RBFOX1: variants seen among roughly 807,000 people sequenced by gnomAD.
The protein encoded by RBFOX1 is RNA binding fox-1 homolog 1, also known as RNA binding protein fox-1 homolog 1.
Under a neutral mutation model 57.7 loss-of-function variants are expected in RBFOX1, and 8 were observed. That is an observed-to-expected ratio of 0.14 (90% CI 0.08 to 0.25). The LOEUF (loss-of-function observed/expected upper bound fraction) is 0.25, where lower values mean the gene tolerates loss of function less well. Among genes scored for constraint, RBFOX1 ranks in the 10% least tolerant of loss-of-function variants. RBFOX1 has a pLI of 1.00. For synonymous variants in RBFOX1, 326 were observed against 222.4 expected, an observed-to-expected ratio of 1.47 and a Z score of -4.15; for missense variants, 611 against 548.5, an observed-to-expected ratio of 1.11 and a Z score of -1.14.
chr16:5,697,848 C>A (rs1178650755), intron 3 of RBFOX1, among the ~76,000 whole-genome samples: 2 of 152,110 alleles, frequency 1.3e-5, no homozygotes, highest in African/African-American at 4.8e-5. Context: ...TCTATAGTTT[C>A]AACTTTAAGC....
intron 4 of RBFOX1, among the ~76,000 whole-genome samples, chr16:7,503,766 A>G (rs1356237238): frequency 1.3e-5 from 2 of 152,170 alleles, no homozygotes; most frequent in Non-Finnish European, 1.5e-5. Flanking sequence ...ACAAAAATTC[A>G]CTTTTGCCAA....
At chr16:6,245,603 C>T (rs1465218371) in intron 1 of RBFOX1, among the ~76,000 whole-genome samples, 1 of 152,116 alleles carries the variant, frequency 6.6e-6, no homozygotes, top group African/African-American at 2.4e-5. Context: ...AATAATAATA[C>T]AAATAACCTT....
intron 2 of RBFOX1, among the ~76,000 whole-genome samples, chr16:6,505,701 G>T (rs1196174545): frequency 6.6e-6 from 1 of 152,204 alleles, no homozygotes. Context: ...AGGAAAAAGT[G>T]TAGTACTCTT....
chr16:5,992,208 C>G (rs1404269106), intron 4 of RBFOX1, among the ~76,000 whole-genome samples: 1 of 151,990 alleles, frequency 6.6e-6, no homozygotes, highest in Non-Finnish European at 1.5e-5. Context: ...AGGAAAATAA[C>G]TTCCTTCTTC....
At chr16:6,264,037 A>G (rs948051394) in intron 1 of RBFOX1, among the ~76,000 whole-genome samples, 1 of 152,126 alleles carries the variant, frequency 6.6e-6, no homozygotes, top group Non-Finnish European at 1.5e-5. Flanking sequence ...TTTGACTTTA[A>G]TTTGCTGAGG....
chr16:6,613,682 TA>T (rs1307345681), intron 2 of RBFOX1, among the ~76,000 whole-genome samples: 1 of 152,156 alleles, frequency 6.6e-6, no homozygotes, highest in African/African-American at 2.4e-5. Context: ...TCTCATTTTT[TA>T]AAAAAGGTAG....
At chr16:6,984,997 C>G (rs1263267912) in intron 3 of RBFOX1, among the ~76,000 whole-genome samples, 1 of 150,790 alleles carries the variant, frequency 6.6e-6, no homozygotes, top group East Asian at 2.0e-4. Context: ...GGGAGGGCTC[C>G]TTGAAAAACC....
intron 3 of RBFOX1, among the ~76,000 whole-genome samples, chr16:6,859,196 TGTA>T (rs2058568186): frequency 2.1e-5 from 2 of 96,102 alleles, no homozygotes; most frequent in African/African-American, 5.2e-5. Context: ...TATATATATA[TGTA>T]TATATATATA....
chr16:7,422,648 G>C (rs957489172), intron 4 of RBFOX1: 9 of 152,358 alleles, frequency 5.9e-5, no homozygotes, highest in African/African-American at 1.9e-4. Context: ...CTGCAGCCTA[G>C]ATATCTCTGC....
intron 3 of RBFOX1, among the ~76,000 whole-genome samples, chr16:7,036,826 A>G (rs1472388825): frequency 1.3e-5 from 2 of 152,204 alleles, no homozygotes; most frequent in African/African-American, 2.4e-5. Flanking sequence ...GCTAGTTCAT[A>G]GACAGAGTGG....
chr16:5,406,730 G>A (rs1054783823), intron 1 of RBFOX1, among the ~76,000 whole-genome samples: 3 of 152,094 alleles, frequency 2.0e-5, no homozygotes, highest in African/African-American at 7.2e-5. Flanking sequence ...TATTTATTTT[G>A]CATTTAGTAC....
At chr16:5,888,130 C>A (rs1451292028) in intron 4 of RBFOX1, among the ~76,000 whole-genome samples, 2 of 152,164 alleles carry the variant, frequency 1.3e-5, no homozygotes, top group African/African-American at 4.8e-5. Flanking sequence ...TGCTCATTCC[C>A]CAGCTTTGTG....
intron 3 of RBFOX1, among the ~76,000 whole-genome samples, chr16:6,767,435 A>G (rs2077492553): frequency 6.6e-6 from 1 of 152,154 alleles, no homozygotes; most frequent in Admixed American, 6.5e-5. Flanking sequence ...CCCTGCTGCA[A>G]TCTATAATTA....
At chr16:7,123,044 G>A (rs2067558128) in intron 4 of RBFOX1, among the ~76,000 whole-genome samples, 1 of 152,100 alleles carries the variant, frequency 6.6e-6, no homozygotes, top group South Asian at 2.1e-4. Flanking sequence ...AGGGATTAGG[G>A]GTTGGGGGGA....
chr16:7,186,994 C>CAAAAAAAAAAAAAAAAAAAAAAAAAAA (rs35177784), intron 4 of RBFOX1, among the ~76,000 whole-genome samples: 19 of 69,260 alleles, frequency 2.7e-4, no homozygotes, highest in African/African-American at 1.0e-3. Context: ...CCCACCTCCA[C>CAAAAAAAAAAAAAAAAAAAAAAAAAAA]AAAAAAAAAA....
Position 6,808,561 on chromosome 16 carries a change from A to G in RBFOX1, c.-16+153911A>G, listed in dbSNP as rs1053858738. On this transcript the variant is annotated intron_variant, in intron 3 of 15. Coordinates refer to ENST00000550418, the MANE Select transcript of RBFOX1 (RefSeq NM_018723.4). Reference sequence around the variant, plus strand: ...TTGCATACTCAACAAACATTGTCTGATGGGGAATAACTGCCAAATTTATCA... The same window carrying G: ...TTGCATACTCAACAAACATTGTCTGGTGGGGAATAACTGCCAAATTTATCA... 2.6e-5 allele frequency among the ~76,000 whole-genome samples: 4 copies of G among 152,088 alleles called. 1 individual carries two copies. Among genetic ancestry groups the G allele is most frequent in the Middle Eastern group, 6.3e-3 (2 of 316 alleles).
intron 3 of RBFOX1, among the ~76,000 whole-genome samples, chr16:5,847,125 A>AAT (rs2056776734): frequency 6.6e-6 from 1 of 152,174 alleles, no homozygotes; most frequent in Non-Finnish European, 1.5e-5. Context: ...GTTCTCTGGA[A>AAT]GTCATTTGAA....
At chr16:6,146,346 A>C (rs1368414243) in intron 1 of RBFOX1, among the ~76,000 whole-genome samples, 1 of 152,200 alleles carries the variant, frequency 6.6e-6, no homozygotes, top group East Asian at 1.9e-4. Context: ...TGATAATGGA[A>C]AGTAAGTCCA....
intron 5 of RBFOX1, among the ~76,000 whole-genome samples, chr16:7,572,821 AGAGT>A (rs1416578486): frequency 6.6e-6 from 1 of 151,570 alleles, no homozygotes; most frequent in Non-Finnish European, 1.5e-5. Flanking sequence ...CCTGGGCAAC[AGAGT>A]GAGAGTCTCT....
Sources: allele counts gnomAD v4.1 joint callset (sites outside exome capture counted in the v4.1 genomes callset), GRCh38; gene constraint gnomAD v4.1.1; transcripts MANE v1.5; gene names NCBI Gene and HGNC (gene_info 2026-07-23, HGNC 2026-07-21).